Variants in DUSP19 observed in about 807,000 individuals in gnomAD.
The protein encoded by DUSP19 is dual specificity phosphatase 19, also known as dual specificity protein phosphatase 19.
DUSP19 carries 14 observed loss-of-function variants against 16.6 expected under a neutral mutation model. The ratio of observed to expected loss-of-function variants is 0.84; its 90% CI spans 0.56 to 1.32. The LOEUF (loss-of-function observed/expected upper bound fraction) is 1.32, where lower values mean the gene tolerates loss of function less well. DUSP19 is among the 40% of genes most tolerant of loss of function. The probability of loss-of-function intolerance (pLI) is 0.00; values close to 1 mark genes in which losing one functional copy is unlikely to be tolerated. For synonymous variants in DUSP19, 81 were observed against 90.5 expected, an observed-to-expected ratio of 0.90 and a Z score of 0.59; for missense variants, 258 against 255.9, an observed-to-expected ratio of 1.01 and a Z score of -0.06.
At position 183,096,555 on chromosome 2, in the gene DUSP19, T is replaced by C. The variant is rs1699805495; in HGVS notation, c.*897T>C. 2 of 137,192 alleles carry C rather than the reference T, an allele frequency of 1.5e-5. No homozygotes were observed. The highest frequency in any genetic ancestry group is 2.8e-5 in the African/African-American group (1 of 36,208). The allele number at this position is 137,192 out of a possible 1,614,324, so 8.5% of individuals were successfully genotyped here. On this transcript the variant is annotated 3_prime_UTR_variant, in exon 4 of 4. Coordinates refer to ENST00000354221, the MANE Select transcript of DUSP19 (RefSeq NM_080876.4). ...CCGACCTCATTTTGTTTTTTTCAAT[T>C]CTGTTATCGGCATTTCTTTCTTTTT...
At chr2:183,082,951 G>A (rs959466885) in intron 1 of DUSP19, among the ~76,000 whole-genome samples, 1 of 151,138 alleles carries the variant, frequency 6.6e-6, no homozygotes. Flanking sequence ...ACCGAGGCTG[G>A]AGTGCAGTGG....
intron 3 of DUSP19, among the ~76,000 whole-genome samples, chr2:183,092,769 T>G (rs905831564): frequency 2.0e-5 from 3 of 149,342 alleles, no homozygotes; most frequent in African/African-American, 5.0e-5. Flanking sequence ...AGTGGCATGA[T>G]CTCAGCTCAC....
chr2:183,091,864 G>GC (rs1699735942), intron 3 of DUSP19, among the ~76,000 whole-genome samples: 1 of 152,136 alleles, frequency 6.6e-6, no homozygotes, highest in Admixed American at 6.5e-5. Flanking sequence ...TAGGTTCCCT[G>GC]CCACCAGACC....
chr2:183,085,687 G>C (rs1296373908), intron 2 of DUSP19, among the ~76,000 whole-genome samples: 1 of 151,860 alleles, frequency 6.6e-6, no homozygotes, highest in Non-Finnish European at 1.5e-5. Context: ...TGAAGATACA[G>C]AAAAGCAAGA....
At chr2:183,079,467 A>C (rs1023221878) in intron 1 of DUSP19, among the ~76,000 whole-genome samples, 2 of 152,230 alleles carry the variant, frequency 1.3e-5, no homozygotes, top group African/African-American at 4.8e-5. Context: ...TTCTTGGCTT[A>C]TAAAAAATAC....
At chr2:183,083,413 C>T in intron 1 of DUSP19, 95 bp from the exon 2 acceptor site, 1 of 1,102,518 alleles carries the variant, frequency 9.1e-7, no homozygotes, top group Non-Finnish European at 1.3e-6. Context: ...AGTTGTTGGT[C>T]TTTTTTTTTT....
intron 2 of DUSP19, among the ~76,000 whole-genome samples, chr2:183,084,479 G>C (rs923875807): frequency 1.3e-5 from 2 of 151,954 alleles, no homozygotes; most frequent in African/African-American, 4.8e-5. Context: ...TATGTGTGAA[G>C]GCCCAGAAGC....
chr2:183,093,480 CA>C (rs1216301361), intron 3 of DUSP19, among the ~76,000 whole-genome samples: 1 of 151,852 alleles, frequency 6.6e-6, no homozygotes, highest in Non-Finnish European at 1.5e-5. Flanking sequence ...CATAGGACAA[CA>C]GCAAGTGCAA....
At chr2:183,083,614 G>C (rs1699622281) in intron 2 of DUSP19, 60 bp downstream of exon 2, 1 of 1,448,052 alleles carries the variant, frequency 6.9e-7, no homozygotes, top group African/African-American at 1.4e-5. Flanking sequence ...GTTTTATTTA[G>C]GAAAAACTGT....
chr2:183,094,660 C>T (rs549102769), intron 3 of DUSP19, among the ~76,000 whole-genome samples: 181 of 152,218 alleles, frequency 1.2e-3, no homozygotes, highest in African/African-American at 4.1e-3. Context: ...CATTTATTGA[C>T]CTCATGCTGG....
At chr2:183,083,465 T>C in intron 1 of DUSP19, 43 bp from the exon 2 acceptor site, 1 of 1,519,036 alleles carries the variant, frequency 6.6e-7, no homozygotes, top group Non-Finnish European at 8.9e-7. Flanking sequence ...AAGTTCAAGA[T>C]GATTATATTT....
chr2:183,093,309 A>G (rs1397847838), intron 3 of DUSP19, among the ~76,000 whole-genome samples: 1 of 152,206 alleles, frequency 6.6e-6, no homozygotes, highest in East Asian at 1.9e-4. Flanking sequence ...TTCACTTAGC[A>G]AAAAGTTATG....
intron 1 of DUSP19, among the ~76,000 whole-genome samples, chr2:183,083,244 A>G (rs1699617418): frequency 6.6e-6 from 1 of 152,044 alleles, no homozygotes; most frequent in Non-Finnish European, 1.5e-5. Context: ...TTTTGTTTAT[A>G]TTACAAACAA....
intron 1 of DUSP19, among the ~76,000 whole-genome samples, chr2:183,081,504 C>G (rs1426873803): frequency 1.3e-5 from 2 of 152,148 alleles, no homozygotes; most frequent in African/African-American, 4.8e-5. Context: ...GCCTTGGCCT[C>G]CCAAATTTCT....
chr2:183,089,757 C>T (rs1699708675), intron 3 of DUSP19, among the ~76,000 whole-genome samples: 1 of 152,186 alleles, frequency 6.6e-6, no homozygotes, highest in Non-Finnish European at 1.5e-5. Flanking sequence ...ATATGTTCTA[C>T]CCTCTCAAGC....
chr2:183,079,677 G>A (rs1233422231), intron 1 of DUSP19, among the ~76,000 whole-genome samples: 1 of 152,178 alleles, frequency 6.6e-6, no homozygotes, highest in Non-Finnish European at 1.5e-5. Context: ...TTTAAGAGAA[G>A]GAGATCTTAA....
intron 2 of DUSP19, among the ~76,000 whole-genome samples, 155 bp from the exon 3 acceptor site, chr2:183,086,885 G>A (rs1699669785): frequency 6.6e-6 from 1 of 151,976 alleles, no homozygotes; most frequent in South Asian, 2.1e-4. Flanking sequence ...AGTAGAAGGA[G>A]CACTTCTGGT....
At chr2:183,085,944 C>T (rs1174804395) in intron 2 of DUSP19, among the ~76,000 whole-genome samples, 1 of 130,124 alleles carries the variant, frequency 7.7e-6, no homozygotes, top group Non-Finnish European at 1.6e-5. Context: ...TGGCTCACTG[C>T]AACCTTTACC....
chr2:183,088,665 C>T (rs1032397632), intron 3 of DUSP19, among the ~76,000 whole-genome samples: 1 of 151,980 alleles, frequency 6.6e-6, no homozygotes, highest in Non-Finnish European at 1.5e-5. Flanking sequence ...TCAGGCAGAC[C>T]ACCTGCCTCA....
Sources: gnomAD v4.1 joint callset for allele counts (sites outside exome capture counted in the v4.1 genomes callset) on GRCh38, gnomAD v4.1.1 for gene constraint, MANE v1.5 for transcripts, NCBI Gene and HGNC (gene_info 2026-07-23, HGNC 2026-07-21) for gene names.